CLCNKA: variants seen among roughly 807,000 people sequenced by gnomAD.
CLCNKA encodes the protein chloride channel protein ClC-Ka.
A neutral mutation model predicts 83.3 loss-of-function variants in CLCNKA; 66 were observed. That is an observed-to-expected ratio of 0.79 (90% confidence interval 0.65 to 0.97). The LOEUF is 0.97. Ranked by LOEUF, CLCNKA falls within the 50% of genes least tolerant of loss-of-function variation. CLCNKA has a pLI of 0.00. For synonymous variants in CLCNKA, 357 were observed against 370.4 expected, an observed-to-expected ratio of 0.96 and a Z score of 0.42; for missense variants, 806 against 888.7, an observed-to-expected ratio of 0.91 and a Z score of 1.18.
chr1:16,031,146 A>T (rs1432387496), intron 15 of CLCNKA, among the ~76,000 whole-genome samples: 3 of 152,234 alleles, frequency 2.0e-5, no homozygotes, highest in Non-Finnish European at 4.4e-5. Context: ...TGGCGCCAGA[A>T]AAGCAGACCA....
rs2022734678 is a variant in CLCNKA at position 16,033,735 on chromosome 1, C to A, written c.*77C>A. On this transcript the variant is annotated 3_prime_UTR_variant, in exon 20 of 20. Transcript: ENST00000331433. ...TGGGCTGAGACCCTGCTTCTCTTCC[C>A]CCATCACCACCTGCCCCTCCCTCCA... is the stretch of plus-strand genomic sequence containing the variant. 2.2e-6 allele frequency: 3 copies of A among 1,366,768 alleles called. No individual in the cohort carries two copies. The highest frequency in any genetic ancestry group is 2.1e-6 in the Non-Finnish European group (2 of 959,500). The allele number at this position is 1,366,768 out of a possible 1,614,324, so 84.7% of individuals were successfully genotyped here.
At position 16,030,036 on chromosome 1, in the gene CLCNKA, G is replaced by A. The variant is rs35747151; in HGVS notation, c.1369G>A (p.Val457Ile). ...CCCTGAGGGCATTGTGACTGGAGGGGTTACCAATCCCATCATGCCCGGGGG... is the reference window on the plus strand; with the variant it reads ...CCCTGAGGGCATTGTGACTGGAGGGATTACCAATCCCATCATGCCCGGGGG... The part of the protein sequence containing the change: ...AFPEGIVTGG[V>I]TNPIMPGGYA... The change falls in exon 14 of 20, where the codon GTT becomes ATT. Residue 457 changes from valine (V) to isoleucine (I), a missense_variant. By Grantham distance (29) the Val-to-Ile change is conservative. Transcript: ENST00000331433. 0.077 allele frequency: 120,256 copies of A among 1,571,278 alleles called. 6,316 individuals are homozygous for A. Among genetic ancestry groups the A allele is most frequent in the African/African-American group, 0.085 (6,274 of 74,188 alleles).
chr1:16,025,775 A>G (rs1310655692), intron 4 of CLCNKA, among the ~76,000 whole-genome samples: 1 of 151,954 alleles, frequency 6.6e-6, no homozygotes, highest in Non-Finnish European at 1.5e-5. Context: ...TGTTTTTGAG[A>G]TGGAGTTTCA....
chr1:16,032,001 C>T (rs1451353745), intron 16 of CLCNKA, among the ~76,000 whole-genome samples, 158 bp downstream of exon 16: 1 of 152,196 alleles, frequency 6.6e-6, no homozygotes, highest in African/African-American at 2.4e-5. Context: ...TCAGTTTCCT[C>T]ATCAGCAAAA....
chr1:16,028,161 C>G, intron 10 of CLCNKA, 42 bp downstream of exon 10: 1 of 1,553,174 alleles, frequency 6.4e-7, no homozygotes, highest in Non-Finnish European at 8.9e-7. Flanking sequence ...CAGTGAGTCC[C>G]TTGTGGACTC....
chr1:16,023,781 C>T lies in CLCNKA; in HGVS notation c.101-19C>T. On this transcript the variant is annotated intron_variant, in intron 2 of 19. Coordinates refer to ENST00000331433, the MANE Select transcript of CLCNKA (RefSeq NM_004070.4). The stretch of plus-strand genomic sequence containing the variant: ...CCCCTTGCCCCAACATAAGCTGGGA[C>T]TCCGATACCCTGCCCCAGGTGGCCT... 1 of 1,613,788 alleles carries T rather than the reference C, an allele frequency of 6.2e-7. No individual in the cohort carries two copies. Among genetic ancestry groups the T allele is most frequent in the Non-Finnish European group, 8.5e-7 (1 of 1,179,776 alleles).
At position 16,031,739 on chromosome 1, in the gene CLCNKA, T is replaced by C. The variant is rs1323015171; in HGVS notation, c.1652T>C (p.Met551Thr). Residue 551 changes from methionine to threonine, a missense_variant, in exon 16 of 20, where the codon ATG (methionine) becomes ACG (threonine). Physicochemically the swap from Met to Thr is moderately conservative, Grantham distance 81. Transcript: ENST00000331433. ...CACCATGTGAGGGTGGAGCACTTCA[T>C]GAACCACAGCATCACCACACTGGCC... Reference protein sequence around the residue: ...GSHHVRVEHFMNHSITTLAKD... With the variant: ...GSHHVRVEHFTNHSITTLAKD... The C allele has an allele frequency of 6.2e-7, 1 of 1,613,886 alleles. No homozygotes were observed. The highest frequency in any genetic ancestry group is 8.5e-7 in the Non-Finnish European group (1 of 1,180,028).
At chr1:16,026,293 C>T in intron 5 of CLCNKA, 46 bp downstream of exon 5, 1 of 1,603,310 alleles carries the variant, frequency 6.2e-7, no homozygotes, top group East Asian at 2.2e-5. Flanking sequence ...CCCACCCTAC[C>T]CTGCCCCAGC....
intron 2 of CLCNKA, 47 bp from the exon 3 acceptor site, chr1:16,023,753 G>A: frequency 6.2e-7 from 1 of 1,611,074 alleles, no homozygotes; most frequent in Non-Finnish European, 8.5e-7. Flanking sequence ...GGGGCTGTCT[G>A]TGCCCCTTGC....
In CLCNKA at chr1:16,030,578, A is replaced by G. The variant is rs757515904; in HGVS notation, c.1526A>G (p.Asn509Ser). The G allele has an allele frequency of 8.1e-6, 13 of 1,612,938 alleles. No individual in the cohort carries two copies. In the African/African-American group the frequency reaches 1.3e-4, roughly 17 times the overall value. The change falls in exon 15 of 20, where the codon AAC becomes AGC. Residue 509 changes from asparagine to serine, a missense_variant. Asn to Ser is a conservative substitution (Grantham distance 46). Transcript: ENST00000331433. ...LPVLMAVLAA[N>S]AIAQSCQPSF... The stretch of plus-strand genomic sequence containing the variant: ...GTGCTGATGGCGGTGCTGGCAGCCA[A>G]CGCCATTGCACAGAGCTGCCAGCCC...
chr1:16,032,362 T>A, intron 17 of CLCNKA, 71 bp downstream of exon 17: 2 of 1,544,678 alleles, frequency 1.3e-6, no homozygotes, highest in Non-Finnish European at 1.8e-6. Context: ...AGGGACCCGC[T>A]GATCTCCTGA....
chr1:16,029,122 A>C lies in CLCNKA; in HGVS notation c.1054-4A>C. 2 of 1,610,848 alleles carry C rather than the reference A, an allele frequency of 1.2e-6. No homozygotes were observed. The highest frequency in any genetic ancestry group is 1.7e-6 in the Non-Finnish European group (2 of 1,179,672). Reference sequence around the variant, plus strand: ...ATGTCCAGTTCCCACCTGCCCCGCCACAGCTGTCCATGAAGCAGCATCTGG... The same window carrying C: ...ATGTCCAGTTCCCACCTGCCCCGCCCCAGCTGTCCATGAAGCAGCATCTGG... On this transcript the variant is annotated splice_region_variant and splice_polypyrimidine_tract_variant and intron_variant, in intron 11 of 19. Transcript: ENST00000331433.
chr1:16,033,679 C>A lies in CLCNKA; in HGVS notation c.*21C>A. 1 of 1,579,086 alleles carries A rather than the reference C, an allele frequency of 6.3e-7. No homozygotes were observed. Among genetic ancestry groups the A allele is most frequent in the Non-Finnish European group, 8.6e-7 (1 of 1,160,778 alleles). On this transcript the variant is annotated 3_prime_UTR_variant, in exon 20 of 20. Coordinates refer to ENST00000331433, the MANE Select transcript of CLCNKA (RefSeq NM_004070.4). ...AGTGAGCCGGCCCAGCAAGATGAAA[C>A]AGGGCACCCCAGCTGACCTGGTACT... is the stretch of plus-strand genomic sequence containing the variant.
In CLCNKA at chr1:16,027,292, C is replaced by G. The variant is rs371604851; in HGVS notation, c.656-18C>G. The G allele has an allele frequency of 1.9e-5, 31 of 1,612,488 alleles. 1 individual carries two copies. The highest frequency in any genetic ancestry group is 6.7e-5 in the Admixed American group (4 of 60,002). On this transcript the variant is annotated intron_variant, in intron 7 of 19. Transcript: ENST00000331433. ...TGGGTGGGGGTGGGGGCCCACCTGACATCAGTGTCGCCCCCAGGCGTCCTG... is the reference window on the plus strand; with the variant it reads ...TGGGTGGGGGTGGGGGCCCACCTGAGATCAGTGTCGCCCCCAGGCGTCCTG...
intron 1 of CLCNKA, 120 bp from the exon 2 acceptor site, chr1:16,022,489 AACAC>A (rs142964147): frequency 4.7e-4 from 310 of 653,790 alleles, no homozygotes; most frequent in Non-Finnish European, 7.1e-4. Context: ...CTAGTGTGAT[AACAC>A]ACACACACAC....
rs376882398 is a variant in CLCNKA, at chr1:16,026,640, G to A, written c.576+27G>A. On this transcript the variant is annotated intron_variant, in intron 6 of 19. Transcript: ENST00000331433. The stretch of plus-strand genomic sequence containing the variant: ...TTAGGGACTCGGGGGCTTCCTTGGA[G>A]AAATGGGAGTGGGGAGGGAGGGGGC... The A allele has an allele frequency of 1.6e-4, 259 of 1,613,882 alleles. 1 individual carries two copies. The highest frequency in any genetic ancestry group is 9.9e-4 in the Middle Eastern group (6 of 6,036).
chr1:16,029,088 G>T, intron 11 of CLCNKA, 38 bp from the exon 12 acceptor site: 1 of 1,601,912 alleles, frequency 6.2e-7, no homozygotes, highest in South Asian at 1.1e-5. Flanking sequence ...CCGCTGGGGG[G>T]GGCCCCTCAT....
Position 16,031,768 on chromosome 1 carries a change from G to A in CLCNKA, c.1681G>A (p.Asp561Asn). Residue 561 changes from aspartate (D) to asparagine (N), a missense_variant, in exon 16 of 20, where the codon GAC becomes AAC. Transcript: ENST00000331433. The part of the protein sequence containing the change: ...MNHSITTLAK[D>N]TPLEEVVKVV... ...CCACAGCATCACCACACTGGCCAAG[G>A]ACACGCCGCTGGAGGAGGTGGTCAA... is the stretch of plus-strand genomic sequence containing the variant. The A allele has an allele frequency of 3.7e-6, 6 of 1,613,990 alleles. No homozygotes were observed. The highest frequency in any genetic ancestry group is 5.1e-6 in the Non-Finnish European group (6 of 1,180,038).
At chr1:16,033,104 G>T in intron 18 of CLCNKA, 66 bp from the exon 19 acceptor site, 1 of 1,523,028 alleles carries the variant, frequency 6.6e-7, no homozygotes, top group South Asian at 1.1e-5. Context: ...AGGCGTGGCA[G>T]AGTGGGCCAG....
Sources: allele counts gnomAD v4.1 joint callset (sites outside exome capture counted in the v4.1 genomes callset), GRCh38; gene constraint gnomAD v4.1.1; transcripts MANE v1.5; gene names NCBI Gene and HGNC (gene_info 2026-07-23, HGNC 2026-07-21).